SETBP1: variants seen among roughly 807,000 people sequenced by gnomAD.
SETBP1 encodes SET-binding protein.
SETBP1 carries 9 observed loss-of-function variants against 101.0 expected under a neutral mutation model. That is an observed-to-expected ratio of 0.09 (90% CI 0.05 to 0.16). The LOEUF (loss-of-function observed/expected upper bound fraction) is 0.16, where lower values mean the gene tolerates loss of function less well. Ranked by LOEUF, SETBP1 falls within the 10% of genes least tolerant of loss-of-function variation. The probability of loss-of-function intolerance (pLI) is 1.00; values close to 1 mark genes in which losing one functional copy is unlikely to be tolerated. For synonymous variants in SETBP1, 818 were observed against 788.5 expected, an observed-to-expected ratio of 1.04 and a Z score of -0.63; for missense variants, 1,858 against 2,033.8, an observed-to-expected ratio of 0.91 and a Z score of 1.66.
chr18:44,976,170 C>T (rs2071984029), intron 4 of SETBP1, among the ~76,000 whole-genome samples: 1 of 151,660 alleles, frequency 6.6e-6, no homozygotes, highest in African/African-American at 2.4e-5. Flanking sequence ...TATTAAGTCC[C>T]CTTTTGCACA....
intron 2 of SETBP1, among the ~76,000 whole-genome samples, chr18:44,720,909 C>A (rs550835018): frequency 2.3e-4 from 30 of 131,042 alleles, no homozygotes; most frequent in Admixed American, 8.3e-4. Flanking sequence ...CAACCCCCAC[C>A]CCCCACCCCA....
chr18:45,028,305 C>T (rs532778734), intron 4 of SETBP1, among the ~76,000 whole-genome samples: 157 of 151,958 alleles, frequency 1.0e-3, no homozygotes, highest in Non-Finnish European at 2.0e-3. Context: ...ATGATGATTT[C>T]CAATTTCATC....
At chr18:44,822,698 A>T (rs1599175929) in intron 2 of SETBP1, among the ~76,000 whole-genome samples, 1 of 152,202 alleles carries the variant, frequency 6.6e-6, no homozygotes, top group Non-Finnish European at 1.5e-5. Context: ...AGCTACATGG[A>T]GAAGCTATGG....
intron 2 of SETBP1, among the ~76,000 whole-genome samples, chr18:44,868,701 CGG>C (rs2069189791): frequency 8.9e-6 from 1 of 112,318 alleles, no homozygotes; most frequent in African/African-American, 3.7e-5. Flanking sequence ...AGAGAGAGGA[CGG>C]AAGGAAGGGA....
intron 2 of SETBP1, among the ~76,000 whole-genome samples, chr18:44,862,026 T>G (rs1032053174): frequency 6.6e-6 from 1 of 152,180 alleles, no homozygotes; most frequent in Admixed American, 6.5e-5. Context: ...CTCTTCAATC[T>G]GAAAGGTGGA....
At chr18:45,057,408 G>A (rs564277181) in intron 5 of SETBP1, among the ~76,000 whole-genome samples, 1 of 152,094 alleles carries the variant, frequency 6.6e-6, no homozygotes, top group Admixed American at 6.6e-5. Context: ...TTACATTAGA[G>A]AACATGAGAC....
intron 3 of SETBP1, among the ~76,000 whole-genome samples, chr18:44,921,948 G>T (rs1202536276): frequency 6.6e-6 from 1 of 152,172 alleles, no homozygotes; most frequent in Non-Finnish European, 1.5e-5. Context: ...TGTGATGAGA[G>T]TGGTTACTAT....
At chr18:44,708,918 G>C (rs1185116018) in intron 2 of SETBP1, among the ~76,000 whole-genome samples, 2 of 152,144 alleles carry the variant, frequency 1.3e-5, no homozygotes. Flanking sequence ...TTTGACCTCT[G>C]TTTGGACCCA....
chr18:44,726,999 A>G lies in SETBP1; in HGVS notation c.486+25167A>G, dbSNP rs918781389. 5.9e-5 allele frequency among the ~76,000 whole-genome samples: 9 copies of G among 152,338 alleles called. No homozygotes were observed. The South Asian group carries it at 6.2e-4, about 11-fold the overall frequency. On this transcript the variant is annotated intron_variant, in intron 2 of 5. Coordinates refer to ENST00000649279, the MANE Select transcript of SETBP1 (RefSeq NM_015559.3). Reference sequence around the variant, plus strand: ...TTAAAGCATTATCCAAATGCAAAATAAAAGAGGTGGACAGCTTTTTATTTT... The same window carrying G: ...TTAAAGCATTATCCAAATGCAAAATGAAAGAGGTGGACAGCTTTTTATTTT...
chr18:44,704,251 G>A (rs1208832166), intron 2 of SETBP1, among the ~76,000 whole-genome samples: 2 of 152,132 alleles, frequency 1.3e-5, no homozygotes, highest in Non-Finnish European at 2.9e-5. Flanking sequence ...TTCTCAGGCT[G>A]GTCATTTTCA....
At chr18:44,974,342 G>A (rs1187788484) in intron 4 of SETBP1, among the ~76,000 whole-genome samples, 2 of 152,140 alleles carry the variant, frequency 1.3e-5, no homozygotes, top group African/African-American at 4.8e-5. Context: ...TAATCCAGGC[G>A]AGAGATTCCG....
At chr18:44,810,815 T>G (rs1342721089) in intron 2 of SETBP1, among the ~76,000 whole-genome samples, 1 of 152,158 alleles carries the variant, frequency 6.6e-6, no homozygotes, top group African/African-American at 2.4e-5. Context: ...AAAAAGAGAT[T>G]TTTCTCAAGC....
chr18:44,930,916 A>C (rs1312791746), intron 3 of SETBP1, among the ~76,000 whole-genome samples: 1 of 148,826 alleles, frequency 6.7e-6, no homozygotes, highest in Non-Finnish European at 1.5e-5. Flanking sequence ...TTTTTTGAAG[A>C]GTTTTTTGTG....
chr18:44,761,855 A>G (rs2144591210), intron 2 of SETBP1, among the ~76,000 whole-genome samples: 1 of 152,288 alleles, frequency 6.6e-6, no homozygotes, highest in East Asian at 1.9e-4. Context: ...GGCAAGGAGA[A>G]ATCAGTTGCC....
chr18:45,027,531 G>C (rs1170681487), intron 4 of SETBP1, among the ~76,000 whole-genome samples: 1 of 152,142 alleles, frequency 6.6e-6, no homozygotes, highest in East Asian at 1.9e-4. Context: ...ATGCTAGCAA[G>C]ATATAGGAAA....
intron 2 of SETBP1, among the ~76,000 whole-genome samples, chr18:44,845,114 T>C (rs1007382262): frequency 6.6e-6 from 1 of 152,218 alleles, no homozygotes; most frequent in Non-Finnish European, 1.5e-5. Context: ...CAGAGTTCTC[T>C]TGCAGTAATT....
chr18:44,831,105 G>T (rs1390363725), intron 2 of SETBP1, among the ~76,000 whole-genome samples: 1 of 152,190 alleles, frequency 6.6e-6, no homozygotes, highest in Non-Finnish European at 1.5e-5. Context: ...GGACAAATAA[G>T]CACAGTTGTA....
chr18:44,824,397 T>C (rs1178475634), intron 2 of SETBP1, among the ~76,000 whole-genome samples: 1 of 152,182 alleles, frequency 6.6e-6, no homozygotes, highest in Non-Finnish European at 1.5e-5. Flanking sequence ...ATGATTCACT[T>C]GGGTTATTGA....
intron 4 of SETBP1, among the ~76,000 whole-genome samples, chr18:44,984,058 G>A (rs1223384846): frequency 7.9e-5 from 12 of 151,992 alleles, no homozygotes; most frequent in Non-Finnish European, 1.5e-4. Context: ...AAAATTAGCC[G>A]GGCGTGGTTG....
Sources: gnomAD v4.1 joint callset for allele counts (sites outside exome capture counted in the v4.1 genomes callset) on GRCh38, gnomAD v4.1.1 for gene constraint, MANE v1.5 for transcripts, NCBI Gene and HGNC (gene_info 2026-07-23, HGNC 2026-07-21) for gene names.